PCDH11X: variants seen among roughly 807,000 people sequenced by gnomAD.
PCDH11X encodes the protein protocadherin-11 X-linked.
A neutral mutation model predicts 53.3 loss-of-function variants in PCDH11X; 18 were observed. That is an observed-to-expected ratio of 0.34 (90% CI 0.23 to 0.50). The LOEUF (loss-of-function observed/expected upper bound fraction) is 0.50. Among genes scored for constraint, PCDH11X ranks in the 20% least tolerant of loss-of-function variants. PCDH11X has a pLI of 0.98. For missense variants in PCDH11X, 570 were observed against 1,032.4 expected, an observed-to-expected ratio of 0.55 and a Z score of 6.14; for synonymous variants, 279 against 393.3, an observed-to-expected ratio of 0.71 and a Z score of 3.44.
intron 8 of PCDH11X, among the ~76,000 whole-genome samples, chrX:92,295,668 A>G (rs1221517332): frequency 1.9e-5 from 2 of 104,665 alleles, no homozygotes; most frequent in Non-Finnish European, 3.9e-5. Flanking sequence ...TTAGGTTCAG[A>G]AAGTTTTCTT....
rs560158125 is a variant in PCDH11X at position 91,780,453 on chromosome X, T to A, written c.-379+769T>A. 2.0e-3 allele frequency among the ~76,000 whole-genome samples: 219 copies of A among 112,242 alleles called. 7 individuals are homozygous for A. In the South Asian group the frequency reaches 0.067, roughly 34 times the overall value. ...CGAAAAACGGCATCATTTTCTCATT[T>A]AAAAAAAATGACTTTTCTAAGAGTA... On this transcript the variant is annotated intron_variant, in intron 1 of 10. Transcript: ENST00000682573.
At chrX:92,087,706 A>C (rs970112210) in intron 6 of PCDH11X, among the ~76,000 whole-genome samples, 1 of 110,070 alleles carries the variant, frequency 9.1e-6, no homozygotes, top group African/African-American at 3.3e-5. Flanking sequence ...AATCATGATA[A>C]TCGTTTTCAA....
At chrX:92,058,416 T>G (rs2063482844) in intron 6 of PCDH11X, among the ~76,000 whole-genome samples, 1 of 109,976 alleles carries the variant, frequency 9.1e-6, no homozygotes, top group Admixed American at 9.8e-5. Flanking sequence ...TAAAATCGAA[T>G]AACAAAAAAC....
intron 6 of PCDH11X, among the ~76,000 whole-genome samples, chrX:92,135,464 G>T (rs759178642): frequency 9.0e-6 from 1 of 110,611 alleles, no homozygotes; most frequent in Admixed American, 9.7e-5. Flanking sequence ...TACAGTAAAA[G>T]ATTCTATGTG....
chrX:92,613,464 C>G (rs902241366), intron 10 of PCDH11X, among the ~76,000 whole-genome samples: 1 of 109,897 alleles, frequency 9.1e-6, no homozygotes, highest in Non-Finnish European at 1.9e-5. Context: ...GAGAAGTTCA[C>G]TGTTAGCCTG....
At chrX:91,933,223 T>G (rs932549965) in intron 6 of PCDH11X, among the ~76,000 whole-genome samples, 1 of 109,722 alleles carries the variant, frequency 9.1e-6, no homozygotes, top group African/African-American at 3.3e-5. Context: ...TTTGTGCCAG[T>G]TGAAAAACTG....
chrX:92,130,749 CTG>C (rs2064957731), intron 6 of PCDH11X, among the ~76,000 whole-genome samples: 2 of 109,703 alleles, frequency 1.8e-5, no homozygotes, highest in Non-Finnish European at 3.8e-5. Flanking sequence ...AATTTTATAT[CTG>C]TATCACATTA....
intron 6 of PCDH11X, among the ~76,000 whole-genome samples, chrX:92,100,830 G>A (rs150862285): frequency 0.31 from 33,709 of 110,200 alleles, 5,004 homozygotes; most frequent in Non-Finnish European, 0.46. Context: ...GGCAGTGTGG[G>A]AACCTAGAGT....
intron 6 of PCDH11X, among the ~76,000 whole-genome samples, chrX:91,899,500 T>A (rs1436542680): frequency 9.1e-6 from 1 of 110,465 alleles, no homozygotes; most frequent in Non-Finnish European, 1.9e-5. Context: ...CAAACTTCAA[T>A]CCAATCAAGT....
chrX:92,594,237 C>T (rs1925330671), intron 10 of PCDH11X, among the ~76,000 whole-genome samples: 1 of 107,982 alleles, frequency 9.3e-6, no homozygotes, highest in Non-Finnish European at 1.9e-5. Context: ...AGTGTTTAAA[C>T]ATTTGATATT....
chrX:92,206,017 C>A (rs2066469968), intron 7 of PCDH11X, among the ~76,000 whole-genome samples: 1 of 112,062 alleles, frequency 8.9e-6, no homozygotes, highest in Non-Finnish European at 1.9e-5. Context: ...TGTCTGTTAA[C>A]AAAGATAAAA....
intron 6 of PCDH11X, among the ~76,000 whole-genome samples, chrX:91,908,342 C>T (rs1160196123): frequency 9.0e-6 from 1 of 111,710 alleles, no homozygotes; most frequent in Admixed American, 9.5e-5. Flanking sequence ...GCAAAACAAA[C>T]AACGCCATAA....
At chrX:92,210,219 C>CAGAAAATG (rs766665417) in intron 7 of PCDH11X, among the ~76,000 whole-genome samples, 2 of 99,248 alleles carry the variant, frequency 2.0e-5, no homozygotes, top group East Asian at 6.6e-4. Context: ...AATTCCTCCA[C>CAGAAAATG]AGAAAATGGG....
intron 10 of PCDH11X, among the ~76,000 whole-genome samples, chrX:92,576,197 G>C (rs902992853): frequency 9.6e-5 from 6 of 62,269 alleles, no homozygotes; most frequent in Non-Finnish European, 1.6e-4. Flanking sequence ...TTATATAACT[G>C]TTCTGCTCTT....
chrX:91,882,294 T>G (rs752306509), intron 6 of PCDH11X, among the ~76,000 whole-genome samples: 2 of 110,468 alleles, frequency 1.8e-5, no homozygotes, highest in African/African-American at 3.3e-5. Context: ...TTATCTTCTA[T>G]TAACACCTTT....
chrX:91,974,076 T>G (rs1236779582), intron 6 of PCDH11X, among the ~76,000 whole-genome samples: 2 of 111,453 alleles, frequency 1.8e-5, no homozygotes, highest in South Asian at 3.6e-4. Context: ...GGAAAAAAAT[T>G]TTTTTTATAT....
At chrX:92,259,905 G>A (rs2067678077) in intron 7 of PCDH11X, among the ~76,000 whole-genome samples, 1 of 111,328 alleles carries the variant, frequency 9.0e-6, no homozygotes, top group African/African-American at 3.3e-5. Flanking sequence ...GTTAGGGCCT[G>A]GAACGGGTGC....
At chrX:91,829,800 A>G (rs28588724) in intron 4 of PCDH11X, among the ~76,000 whole-genome samples, 35,340 of 110,425 alleles carry the variant, frequency 0.32, 4,697 homozygotes, top group African/African-American at 0.5. Flanking sequence ...CATAGTTGTT[A>G]TACAGATTAA....
chrX:92,048,284 A>T (rs1423627065), intron 6 of PCDH11X, among the ~76,000 whole-genome samples: 1 of 107,449 alleles, frequency 9.3e-6, no homozygotes, highest in Non-Finnish European at 1.9e-5. Flanking sequence ...CTCAACATTT[A>T]TCTTCTCACT....
Sources: allele counts gnomAD v4.1 joint callset (sites outside exome capture counted in the v4.1 genomes callset), GRCh38; gene constraint gnomAD v4.1.1; transcripts MANE v1.5; gene names NCBI Gene and HGNC (gene_info 2026-07-23, HGNC 2026-07-21).